The following TAPT1 variants were observed in gnomAD, a reference collection of about 807,000 sequenced individuals.
TAPT1 encodes transmembrane anterior posterior transformation protein 1 homolog.
TAPT1 carries 28 observed loss-of-function variants against 65.6 expected under a neutral mutation model. The ratio of observed to expected loss-of-function variants is 0.43; its 90% CI spans 0.32 to 0.59. The LOEUF is 0.59. Ranked by LOEUF, TAPT1 falls within the 20% of genes least tolerant of loss-of-function variation. The pLI is 0.09. For synonymous variants in TAPT1, 278 were observed against 245.2 expected (o/e 1.13, Z -1.25); for missense variants, 563 against 679.9 (o/e 0.83, Z 1.91).
intron 1 of TAPT1, among the ~76,000 whole-genome samples, chr4:16,218,447 G>A (rs1244597971): frequency 2.0e-5 from 3 of 152,212 alleles, no homozygotes; most frequent in Non-Finnish European, 4.4e-5. Context: ...CCACAATGGT[G>A]TCTTCTCTGG....
intron 2 of TAPT1, among the ~76,000 whole-genome samples, chr4:16,210,920 T>C (rs1215978253): frequency 6.6e-6 from 1 of 152,068 alleles, no homozygotes; most frequent in Non-Finnish European, 1.5e-5. Flanking sequence ...AAATAAGAAG[T>C]TTAAGAGTGA....
chr4:16,190,894 A>C (rs1392720793), intron 4 of TAPT1: 1 of 155,508 alleles, frequency 6.4e-6, no homozygotes, highest in Non-Finnish European at 1.5e-5. Flanking sequence ...TTAAATGTGC[A>C]ACTTAAAATG....
intron 1 of TAPT1, among the ~76,000 whole-genome samples, chr4:16,220,788 A>T (rs1751210368): frequency 6.6e-6 from 1 of 152,258 alleles, no homozygotes; most frequent in African/African-American, 2.4e-5. Flanking sequence ...TATAGCATAA[A>T]CAAGTGCTTA....
Position 16,163,452 on chromosome 4 carries a change from T to C in TAPT1, c.1560A>G (p.Thr520=). 6.2e-7 allele frequency: 1 copy of C among 1,614,026 alleles called. No homozygotes were observed. The change falls in exon 14 of 14, where the codon ACA becomes ACG. Residue 520 remains threonine, a synonymous_variant. Transcript: ENST00000405303. ...QKENIIPLLV[T]SNSDQFLTTP... ...TTGTCAAAAACTGATCAGAATTGCT[T>C]GTCACAAGTAATGGTATGATATTTT...
intron 1 of TAPT1, among the ~76,000 whole-genome samples, chr4:16,220,747 CAAA>C (rs1265447676): frequency 1.1e-4 from 11 of 102,524 alleles, no homozygotes; most frequent in African/African-American, 7.0e-5. Flanking sequence ...GACTCTATCT[CAAA>C]AAAAAAAAAA....
At chr4:16,203,144 A>C (rs1171947497) in intron 2 of TAPT1, among the ~76,000 whole-genome samples, 1 of 151,962 alleles carries the variant, frequency 6.6e-6, no homozygotes, top group African/African-American at 2.4e-5. Context: ...ATCATTAGAC[A>C]CTCTTACTTG....
chr4:16,170,558 C>T lies in TAPT1; in HGVS notation c.1313+95G>A, dbSNP rs1662654. ...GTTGAATGGAAACCCCTGGCATAGA[C>T]TGGGAGTAGTATGATTGGGATGCTA... On this transcript the variant is annotated intron_variant, in intron 12 of 13. Transcript: ENST00000405303. The T allele has an allele frequency of 0.42, 346,461 of 820,654 alleles. 76,419 individuals carry two copies. Among genetic ancestry groups the T allele is most frequent in the African/African-American group, 0.67 (39,582 of 59,172 alleles). The allele number at this position is 820,654 out of a possible 1,614,324, so 50.8% of individuals were successfully genotyped here.
intron 13 of TAPT1, among the ~76,000 whole-genome samples, chr4:16,163,846 C>A (rs1747411683): frequency 6.6e-6 from 1 of 152,136 alleles, no homozygotes; most frequent in Non-Finnish European, 1.5e-5. Flanking sequence ...TAATCAAGAC[C>A]TAACATGACT....
intron 2 of TAPT1, among the ~76,000 whole-genome samples, chr4:16,204,529 T>C (rs895850537): frequency 1.3e-5 from 2 of 152,250 alleles, no homozygotes; most frequent in African/African-American, 4.8e-5. Flanking sequence ...GGTACTTCTT[T>C]AAAATAAAAA....
chr4:16,224,492 T>A (rs1465649795), intron 1 of TAPT1, among the ~76,000 whole-genome samples: 3 of 152,152 alleles, frequency 2.0e-5, no homozygotes, highest in Non-Finnish European at 2.9e-5. Context: ...TGGCTCCAGC[T>A]GAAATACTCC....
chr4:16,171,921 G>T (rs960304017), intron 11 of TAPT1, among the ~76,000 whole-genome samples: 1 of 151,246 alleles, frequency 6.6e-6, no homozygotes, highest in South Asian at 2.1e-4. Flanking sequence ...ATCATTTTAC[G>T]ACCCAATGTA....
intron 2 of TAPT1, among the ~76,000 whole-genome samples, chr4:16,205,506 C>T (rs999341643): frequency 7.2e-5 from 11 of 152,158 alleles, no homozygotes; most frequent in Admixed American, 4.6e-4. Context: ...ATTCACAACC[C>T]AGTGAGCTTG....
At chr4:16,202,266 G>GA (rs1750078573) in intron 3 of TAPT1, among the ~76,000 whole-genome samples, 196 bp downstream of exon 3, 1 of 151,638 alleles carries the variant, frequency 6.6e-6, no homozygotes, top group Non-Finnish European at 1.5e-5. Flanking sequence ...AACAATTCTG[G>GA]AAAAAAATAA....
chr4:16,171,880 C>A (rs1039803861), intron 11 of TAPT1, among the ~76,000 whole-genome samples: 5 of 152,182 alleles, frequency 3.3e-5, no homozygotes, highest in Non-Finnish European at 7.4e-5. Context: ...GACTTTAATA[C>A]ACATTTTTTC....
At chr4:16,220,234 T>C (rs953507031) in intron 1 of TAPT1, among the ~76,000 whole-genome samples, 3 of 152,250 alleles carry the variant, frequency 2.0e-5, no homozygotes, top group Admixed American at 1.3e-4. Context: ...TCTTTACCTA[T>C]GGGTATCACC....
At chr4:16,210,268 A>G (rs1750580250) in intron 2 of TAPT1, among the ~76,000 whole-genome samples, 1 of 152,228 alleles carries the variant, frequency 6.6e-6, no homozygotes, top group Admixed American at 6.5e-5. Context: ...TTGCAGGGTT[A>G]GCAAAGTCGA....
intron 2 of TAPT1, among the ~76,000 whole-genome samples, chr4:16,206,945 C>T (rs1285637181): frequency 6.6e-6 from 1 of 152,158 alleles, no homozygotes; most frequent in Non-Finnish European, 1.5e-5. Flanking sequence ...AATGGTAAGA[C>T]AGTTGCAGAA....
At position 16,226,365 on chromosome 4, in the gene TAPT1, C is replaced by G; in HGVS notation, c.93G>C (p.Gln31His). 9.0e-7 allele frequency: 1 copy of G among 1,110,418 alleles called. No homozygotes were observed. Among genetic ancestry groups the G allele is most frequent in the African/African-American group, 1.7e-5 (1 of 59,782 alleles). The allele number at this position is 1,110,418 out of a possible 1,614,324, so 68.8% of individuals were successfully genotyped here. Residue 31 changes from glutamine to histidine, a missense_variant, in exon 1 of 14, where the codon CAG (glutamine) becomes CAC (histidine). Physicochemically the swap from Gln to His is conservative, Grantham distance 24. This residue lies in a region of TAPT1 where 103 missense variants were observed against 89.4 expected (regional missense o/e 1.15). Coordinates refer to ENST00000405303, the MANE Select transcript of TAPT1 (RefSeq NM_153365.3). Reference protein sequence around the residue: ...PQRDGRGEAEQPGGSGGQGPP... With the variant: ...PQRDGRGEAEHPGGSGGQGPP... Reference sequence around the variant, plus strand: ...GCCCCTGTCCGCCGCTGCCGCCCGGCTGCTCCGCCTCGCCGCGGCCGTCCC... The same window carrying G: ...GCCCCTGTCCGCCGCTGCCGCCCGGGTGCTCCGCCTCGCCGCGGCCGTCCC...
intron 10 of TAPT1, 122 bp downstream of exon 10, chr4:16,174,548 G>T: frequency 1.2e-6 from 1 of 846,656 alleles, no homozygotes; most frequent in Non-Finnish European, 1.8e-6. Flanking sequence ...TGAGAATAGA[G>T]ATCAGTAGGC....
Sources: gnomAD v4.1 joint callset for allele counts (sites outside exome capture counted in the v4.1 genomes callset) on GRCh38, gnomAD v4.1.1 for gene constraint, gnomAD v4.1.1 regional missense constraint, MANE v1.5 for transcripts, NCBI Gene and HGNC (gene_info 2026-07-23, HGNC 2026-07-21) for gene names.